Variants in ZNFX1 observed in about 807,000 individuals in gnomAD.
ZNFX1 encodes NFX1-type zinc finger-containing protein 1.
A neutral mutation model predicts 179.8 loss-of-function variants in ZNFX1; 78 were observed. The observed-to-expected ratio is 0.43, with a 90% CI of 0.36 to 0.52. The LOEUF (loss-of-function observed/expected upper bound fraction) is 0.52. Ranked by LOEUF, ZNFX1 falls within the 20% of genes least tolerant of loss-of-function variation. The pLI is 0.00. For missense variants in ZNFX1, 1,927 were observed against 2,386.6 expected, an observed-to-expected ratio of 0.81 and a Z score of 4.01; for synonymous variants, 848 against 868.5, an observed-to-expected ratio of 0.98 and a Z score of 0.42.
At chr20:49,258,383 C>T (rs1250194519) in intron 7 of ZNFX1, among the ~76,000 whole-genome samples, 3 of 152,146 alleles carry the variant, frequency 2.0e-5, no homozygotes, top group Admixed American at 2.0e-4. Flanking sequence ...CCACTGCACC[C>T]AGCCCTATGT....
chr20:49,273,350 T>G lies in ZNFX1; in HGVS notation c.62-1600A>C, dbSNP rs1246795869. 3.3e-5 allele frequency among the ~76,000 whole-genome samples: 5 copies of G among 151,958 alleles called. No homozygotes were observed. The East Asian group carries it at 9.7e-4, about 29-fold the overall frequency. On this transcript the variant is annotated intron_variant, in intron 2 of 13. Transcript: ENST00000396105. ...GGTTTCACCATGTTAGCCTCGATGGTCTCAATCTCCTGACCTCGTGATCCG... is the reference window on the plus strand; with the variant it reads ...GGTTTCACCATGTTAGCCTCGATGGGCTCAATCTCCTGACCTCGTGATCCG...
intron 9 of ZNFX1, among the ~76,000 whole-genome samples, chr20:49,254,968 A>G (rs1980932669): frequency 6.6e-6 from 1 of 151,980 alleles, no homozygotes; most frequent in Non-Finnish European, 1.5e-5. Flanking sequence ...CTAATTCTCC[A>G]TAGAGTATTT....
chr20:49,274,650 T>C (rs926517986), intron 2 of ZNFX1, among the ~76,000 whole-genome samples: 6 of 152,160 alleles, frequency 3.9e-5, no homozygotes, highest in South Asian at 2.1e-4. Flanking sequence ...TCCCAGCTAC[T>C]TGGGAGGCTG....
At position 49,266,325 on chromosome 20, in the gene ZNFX1, C is replaced by T. The variant is rs1376649132; in HGVS notation, c.1871-59G>A. ...AGACATTTTCTAAATAAAGTAATTACTCAGAGCAAAATCTTTTTTTAAATT... is the reference window on the plus strand; with the variant it reads ...AGACATTTTCTAAATAAAGTAATTATTCAGAGCAAAATCTTTTTTTAAATT... On this transcript the variant is annotated intron_variant, in intron 3 of 13. Coordinates refer to ENST00000396105, the MANE Select transcript of ZNFX1 (RefSeq NM_021035.3). 4.0e-6 allele frequency: 6 copies of T among 1,483,788 alleles called. No homozygotes were observed. In the African/African-American group the frequency reaches 5.7e-5, roughly 14 times the overall value. The allele number at this position is 1,483,788 out of a possible 1,614,324, so 91.9% of individuals were successfully genotyped here.
At position 49,264,711 on chromosome 20, in the gene ZNFX1, C is replaced by A; in HGVS notation, c.2151+5G>T. Reference sequence around the variant, plus strand: ...TACCCCAGATATTTCAGAGCTGGGACTTACACTCATGTAGGCCCTTCGGAG... The same window carrying A: ...TACCCCAGATATTTCAGAGCTGGGAATTACACTCATGTAGGCCCTTCGGAG... On this transcript the variant is annotated splice_donor_5th_base_variant and intron_variant, in intron 5 of 13. Transcript: ENST00000396105. 1 of 1,613,626 alleles carries A rather than the reference C, an allele frequency of 6.2e-7. No homozygotes were observed. The highest frequency in any genetic ancestry group is 8.5e-7 in the Non-Finnish European group (1 of 1,179,970).
At position 49,246,752 on chromosome 20, in the gene ZNFX1, T is replaced by G; in HGVS notation, c.*515A>C. The stretch of plus-strand genomic sequence containing the variant: ...GCAGGAGAGAAGGGGTGAGATTTGT[T>G]AACTTTGCTCTCAGTTCTGGAGATA... On this transcript the variant is annotated 3_prime_UTR_variant, in exon 14 of 14. Transcript: ENST00000396105. The G allele has an allele frequency of 2.4e-6, 1 of 422,588 alleles. No homozygotes were observed. The highest frequency in any genetic ancestry group is 4.7e-6 in the Non-Finnish European group (1 of 212,940). 26.2% of individuals were successfully genotyped at this position (422,588 alleles called of 1,614,324 possible).
intron 7 of ZNFX1, among the ~76,000 whole-genome samples, 198 bp from the exon 8 acceptor site, chr20:49,257,862 TGGCTAATTTTGTA>T (rs1475805396): frequency 2.7e-5 from 4 of 149,676 alleles, no homozygotes; most frequent in Admixed American, 6.7e-5. Context: ...CCACCACGCC[TGGCTAATTTTGTA>T]GGCTAATTTT....
chr20:49,274,304 C>T (rs1056243494), intron 2 of ZNFX1, among the ~76,000 whole-genome samples: 3 of 152,040 alleles, frequency 2.0e-5, no homozygotes, highest in Non-Finnish European at 4.4e-5. Flanking sequence ...TTGATAATAT[C>T]TTAAAATGAG....
intron 3 of ZNFX1, among the ~76,000 whole-genome samples, chr20:49,267,457 G>T (rs1034041763): frequency 6.7e-6 from 1 of 149,148 alleles, no homozygotes; most frequent in Non-Finnish European, 1.5e-5. Flanking sequence ...TCGTCAAGAC[G>T]TCCAGCTTTG....
In ZNFX1 at chr20:49,251,844, T is replaced by C. The variant is rs1392717799; in HGVS notation, c.3217-222A>G. ...AGCCCTCATCTCTATTTTTCTTTCT[T>C]TTTTTTTTTTTTTTGAGACGTGTCA... On this transcript the variant is annotated intron_variant, in intron 12 of 13. Coordinates refer to ENST00000396105, the MANE Select transcript of ZNFX1 (RefSeq NM_021035.3). 2.4e-3 allele frequency among the ~76,000 whole-genome samples: 42 copies of C among 17,228 alleles called. No individual in the cohort carries two copies. In the Middle Eastern group the frequency reaches 0.15, roughly 62 times the overall value. The allele number at this position is 17,228 out of a possible 152,430, so 11.3% of individuals were successfully genotyped here.
chr20:49,266,761 G>A (rs767783379), intron 3 of ZNFX1, among the ~76,000 whole-genome samples: 1 of 144,764 alleles, frequency 6.9e-6, no homozygotes, highest in Non-Finnish European at 1.5e-5. Flanking sequence ...TGGCAAATTA[G>A]AAATACTTTT....
rs1430524040 is a variant in ZNFX1, at chr20:49,251,552, G to A, written c.3287C>T (p.Ser1096Phe). 6.2e-7 allele frequency: 1 copy of A among 1,612,754 alleles called. No homozygotes were observed. The highest frequency in any genetic ancestry group is 1.1e-5 in the South Asian group (1 of 90,858). The change falls in exon 13 of 14, where the codon TCT (serine) becomes TTT (phenylalanine). Residue 1096 changes from serine to phenylalanine, a missense_variant. Ser to Phe is a radical substitution (Grantham distance 155, BLOSUM62 -2). Coordinates refer to ENST00000396105, the MANE Select transcript of ZNFX1 (RefSeq NM_021035.3). ...CTTAATCTTCTCATACTTAAGAACA[G>A]ATGGATGATTCTCCAGATCCTGGTA... is the stretch of plus-strand genomic sequence containing the variant. ...HIYQDLENHPSVLKYEKIKGV... is the reference protein window; with the variant it reads ...HIYQDLENHPFVLKYEKIKGV...
At chr20:49,257,759 T>A in intron 7 of ZNFX1, 95 bp from the exon 8 acceptor site, 1 of 1,457,456 alleles carries the variant, frequency 6.9e-7, no homozygotes, top group Non-Finnish European at 9.0e-7. Flanking sequence ...TGGAGTGCGG[T>A]GGTGCGATCT....
intron 6 of ZNFX1, among the ~76,000 whole-genome samples, chr20:49,262,207 G>T (rs1981130490): frequency 6.6e-6 from 1 of 151,510 alleles, no homozygotes; most frequent in Admixed American, 6.6e-5. Flanking sequence ...CTGAGGTCAG[G>T]AGTTCAAGAC....
Position 49,247,536 on chromosome 20 carries a change from C to G in ZNFX1, c.5488G>C (p.Glu1830Gln). ...LPCSGLGISE[E>Q]ERVQIVSAIG... ...GCACTGACAATCTGCACTCGCTCTTCCTCTGAGATGCCCAGGCCAGAGCAG... is the reference window on the plus strand; with the variant it reads ...GCACTGACAATCTGCACTCGCTCTTGCTCTGAGATGCCCAGGCCAGAGCAG... Residue 1830 changes from glutamate (E) to glutamine (Q), a missense_variant, in exon 14 of 14, where the codon GAA becomes CAA. By Grantham distance (29) the Glu-to-Gln change is conservative. Transcript: ENST00000396105. The G allele has an allele frequency of 6.2e-7, 1 of 1,614,236 alleles. No homozygotes were observed. Among genetic ancestry groups the G allele is most frequent in the Non-Finnish European group, 8.5e-7 (1 of 1,180,042 alleles).
rs774211005 is a variant in ZNFX1 at position 49,247,417 on chromosome 20, A to G, written c.5607T>C (p.Cys1869=). 5 of 1,614,042 alleles carry G rather than the reference A, an allele frequency of 3.1e-6. No individual in the cohort carries two copies. The Admixed American group carries it at 8.3e-5, about 27-fold the overall frequency. The change falls in exon 14 of 14, where the codon TGT becomes TGC. Residue 1869 remains cysteine, a synonymous_variant. Transcript: ENST00000396105. ...DCGGAMERGT[C]PDCKEVIGGT... ...CACCAATCACTTCCTTACAGTCAGG[A>G]CACGTGCCCCTCTCCATGGCTCCCC...
rs761586932 is a variant in ZNFX1, at chr20:49,247,276, C to A, written c.5748G>T (p.Gly1916=). 6.2e-7 allele frequency: 1 copy of A among 1,604,514 alleles called. No individual in the cohort carries two copies. Among genetic ancestry groups the A allele is most frequent in the Non-Finnish European group, 8.5e-7 (1 of 1,173,888 alleles). The stretch of plus-strand genomic sequence containing the variant: ...GTGGTGTACCATCTTCCTACATCAT[C>A]CCCTGGATCTCCTCAAAGTTCATCA... The part of the protein sequence containing the change: ...NNLMNFEEIQ[G]MM The change falls in exon 14 of 14, where the codon GGG becomes GGT. Residue 1916 remains glycine, a synonymous_variant. Coordinates refer to ENST00000396105, the MANE Select transcript of ZNFX1 (RefSeq NM_021035.3).
At position 49,270,036 on chromosome 20, in the gene ZNFX1, T is replaced by C; in HGVS notation, c.1776A>G (p.Ser592=). The C allele has an allele frequency of 1.9e-6, 3 of 1,614,240 alleles. No homozygotes were observed. The East Asian group carries it at 6.7e-5, about 36-fold the overall frequency. ...AGTCATCCAGCTTCAGGGCTTCTTTTGAGGGCCACTGGCCAGGATCTAAGA... is the reference window on the plus strand; with the variant it reads ...AGTCATCCAGCTTCAGGGCTTCTTTCGAGGGCCACTGGCCAGGATCTAAGA... ...INVLDPGQWP[S]KEALKLDDSQ... is the part of the protein sequence containing the mutation. The change falls in exon 3 of 14, where the codon TCA becomes TCG. Residue 592 remains serine, a synonymous_variant. Transcript: ENST00000396105. The surrounding 1 kb of genome is among the most constrained non-coding windows in gnomAD (Gnocchi z 4.6).
chr20:49,269,305 T>C (rs978601305), intron 3 of ZNFX1, among the ~76,000 whole-genome samples: 10 of 152,136 alleles, frequency 6.6e-5, no homozygotes, highest in African/African-American at 7.2e-5. Flanking sequence ...GAGCTAAACA[T>C]TGAATACACA....
Sources: gnomAD v4.1 joint callset for allele counts (sites outside exome capture counted in the v4.1 genomes callset) on GRCh38, gnomAD v4.1.1 for gene constraint, Gnocchi (gnomAD v3.1) non-coding constraint, MANE v1.5 for transcripts, NCBI Gene and HGNC (gene_info 2026-07-23, HGNC 2026-07-21) for gene names.